The following RBFOX1 variants were observed in gnomAD, a reference collection of about 807,000 sequenced individuals.
RBFOX1 encodes the protein RNA binding fox-1 homolog 1.
RBFOX1 carries 8 observed loss-of-function variants against 57.7 expected under a neutral mutation model. The observed-to-expected ratio is 0.14, with a 90% CI of 0.08 to 0.25. RBFOX1 has a LOEUF of 0.25. RBFOX1 is among the 10% of genes least tolerant of loss of function. The pLI is 1.00. For missense variants in RBFOX1, 611 were observed against 548.5 expected (o/e 1.11, Z -1.14); for synonymous variants, 326 against 222.4 (o/e 1.47, Z -4.15).
chr16:7,359,551 C>T (rs745852882), intron 4 of RBFOX1, among the ~76,000 whole-genome samples: 2 of 152,220 alleles, frequency 1.3e-5, no homozygotes, highest in African/African-American at 4.8e-5. Context: ...GTGTGTGAAT[C>T]ATCTGAAGTA....
intron 4 of RBFOX1, among the ~76,000 whole-genome samples, chr16:5,983,031 G>T (rs929927124): frequency 1.3e-5 from 2 of 152,120 alleles, no homozygotes; most frequent in Non-Finnish European, 1.5e-5. Flanking sequence ...CACACAGACC[G>T]CCTCTAAGTC....
intron 3 of RBFOX1, among the ~76,000 whole-genome samples, chr16:5,749,431 A>T (rs911911415): frequency 1.3e-5 from 2 of 151,876 alleles, no homozygotes; most frequent in African/African-American, 2.4e-5. Context: ...AGGTTGGGGA[A>T]GTTCTCCTGG....
chr16:6,443,701 A>G (rs1006590396), intron 2 of RBFOX1, among the ~76,000 whole-genome samples: 1 of 152,158 alleles, frequency 6.6e-6, no homozygotes, highest in Non-Finnish European at 1.5e-5. Flanking sequence ...ATGCTCTTTC[A>G]TTTACTAAGT....
At chr16:5,822,772 G>A (rs1395429004) in intron 3 of RBFOX1, among the ~76,000 whole-genome samples, 1 of 152,160 alleles carries the variant, frequency 6.6e-6, no homozygotes, top group Non-Finnish European at 1.5e-5. Flanking sequence ...GAGATGGTTT[G>A]TTGTCATGGT....
At chr16:6,004,203 T>G (rs1322739274) in intron 4 of RBFOX1, among the ~76,000 whole-genome samples, 1 of 152,142 alleles carries the variant, frequency 6.6e-6, no homozygotes, top group Non-Finnish European at 1.5e-5. Flanking sequence ...AAAATAAAAT[T>G]TTTTTTAAAG....
At chr16:7,502,946 C>G (rs947387748) in intron 4 of RBFOX1, among the ~76,000 whole-genome samples, 4 of 152,088 alleles carry the variant, frequency 2.6e-5, no homozygotes, top group African/African-American at 7.2e-5. Context: ...TCGCTTGAAT[C>G]TGGGACACTG....
intron 3 of RBFOX1, among the ~76,000 whole-genome samples, chr16:5,780,632 C>T (rs7187217): frequency 0.24 from 36,622 of 151,836 alleles, 5,163 homozygotes; most frequent in East Asian, 0.55. Flanking sequence ...TTTAACTTTT[C>T]ATAGGCAAAG....
intron 4 of RBFOX1, among the ~76,000 whole-genome samples, chr16:7,303,197 T>A (rs1203263851): frequency 1.3e-5 from 2 of 152,216 alleles, no homozygotes; most frequent in Non-Finnish European, 2.9e-5. Context: ...CGGGGCTGCC[T>A]GCCCAACCAA....
At chr16:5,624,188 C>G (rs750112336) in intron 3 of RBFOX1, among the ~76,000 whole-genome samples, 3 of 152,180 alleles carry the variant, frequency 2.0e-5, no homozygotes, top group Non-Finnish European at 4.4e-5. Flanking sequence ...TTTAGTGACT[C>G]TCCTGCTACC....
intron 2 of RBFOX1, among the ~76,000 whole-genome samples, chr16:6,536,185 T>G (rs570369500): frequency 6.6e-6 from 1 of 152,346 alleles, no homozygotes; most frequent in South Asian, 2.1e-4. Context: ...CTACCTCTTG[T>G]ATAAATGCAA....
intron 1 of RBFOX1, among the ~76,000 whole-genome samples, chr16:5,398,068 G>GCC (rs2066610870): frequency 6.6e-6 from 1 of 151,894 alleles, no homozygotes; most frequent in Admixed American, 6.6e-5. Context: ...ACCACACGGG[G>GCC]CTGTGAGAGG....
chr16:6,493,073 A>T (rs2095670212), intron 2 of RBFOX1, among the ~76,000 whole-genome samples: 1 of 152,160 alleles, frequency 6.6e-6, no homozygotes. Flanking sequence ...AAAAATATTT[A>T]AGAGAAAAGC....
intron 4 of RBFOX1, among the ~76,000 whole-genome samples, chr16:7,339,984 C>T (rs970322743): frequency 6.6e-6 from 1 of 152,156 alleles, no homozygotes; most frequent in Non-Finnish European, 1.5e-5. Context: ...GCTTACATCT[C>T]ATCTCCTTTT....
At chr16:6,124,349 G>A (rs2096573307) in intron 1 of RBFOX1, among the ~76,000 whole-genome samples, 1 of 152,118 alleles carries the variant, frequency 6.6e-6, no homozygotes, top group African/African-American at 2.4e-5. Context: ...CTGTCTCAGA[G>A]CTGACCCTCT....
chr16:6,736,918 G>C (rs2070506422), intron 3 of RBFOX1, among the ~76,000 whole-genome samples: 1 of 152,192 alleles, frequency 6.6e-6, no homozygotes, highest in African/African-American at 2.4e-5. Flanking sequence ...GGAGTGCTGT[G>C]ATGGATTGGT....
At chr16:6,131,925 G>A (rs966575427) in intron 1 of RBFOX1, among the ~76,000 whole-genome samples, 3 of 152,168 alleles carry the variant, frequency 2.0e-5, no homozygotes, top group African/African-American at 4.8e-5. Flanking sequence ...TTGTATGCAC[G>A]TCTGGCGGAT....
chr16:5,797,725 T>C (rs377088627), intron 3 of RBFOX1, among the ~76,000 whole-genome samples: 2 of 152,276 alleles, frequency 1.3e-5, no homozygotes, highest in African/African-American at 4.8e-5. Flanking sequence ...ATTAGGAAAA[T>C]TAATAGACCA....
chr16:7,663,701 A>G (rs2068403852), intron 12 of RBFOX1, among the ~76,000 whole-genome samples: 2 of 152,154 alleles, frequency 1.3e-5, no homozygotes, highest in African/African-American at 4.8e-5. Context: ...GTCATCTAGA[A>G]ACATCATGGG....
intron 3 of RBFOX1, among the ~76,000 whole-genome samples, chr16:5,657,427 G>C (rs1294349417): frequency 3.9e-5 from 6 of 152,236 alleles, no homozygotes; most frequent in Admixed American, 6.5e-5. Flanking sequence ...AGTGAATAAA[G>C]TACTCACAAT....
Sources: gnomAD v4.1 joint callset for allele counts (sites outside exome capture counted in the v4.1 genomes callset) on GRCh38, gnomAD v4.1.1 for gene constraint, MANE v1.5 for transcripts, NCBI Gene and HGNC (gene_info 2026-07-23, HGNC 2026-07-21) for gene names.